The following ACAP2 variants were observed in gnomAD, a reference collection of about 807,000 sequenced individuals.
The protein encoded by ACAP2 is ArfGAP with coiled-coil, ankyrin repeat and PH domains 2.
ACAP2 carries 39 observed loss-of-function variants against 115.8 expected under a neutral mutation model. That is an observed-to-expected ratio of 0.34 (90% CI 0.26 to 0.44). The LOEUF is 0.44. Ranked by LOEUF, ACAP2 falls within the 20% of genes least tolerant of loss-of-function variation. The probability of loss-of-function intolerance (pLI) is 1.00; values close to 1 mark genes in which losing one functional copy is unlikely to be tolerated. For missense variants in ACAP2, 662 were observed against 927.6 expected (o/e 0.71, Z 3.72); for synonymous variants, 289 against 315.8 (o/e 0.92, Z 0.90).
At chr3:195,358,795 C>T (rs907197695) in intron 4 of ACAP2, among the ~76,000 whole-genome samples, 1 of 151,966 alleles carries the variant, frequency 6.6e-6, no homozygotes, top group Non-Finnish European at 1.5e-5. Context: ...AGGATAGTAA[C>T]AGAAAATTTC....
intron 10 of ACAP2, among the ~76,000 whole-genome samples, chr3:195,319,193 G>C (rs894802551): frequency 3.3e-5 from 5 of 152,246 alleles, no homozygotes; most frequent in African/African-American, 1.2e-4. Context: ...CTAGATTCCA[G>C]AGGATGTATA....
In ACAP2 at chr3:195,292,461, C is replaced by G. The variant is rs780921486; in HGVS notation, c.1766-9G>C. 23 of 1,593,958 alleles carry G rather than the reference C, an allele frequency of 1.4e-5. No homozygotes were observed. Among genetic ancestry groups the G allele is most frequent in the Middle Eastern group, 3.4e-4 (2 of 5,942 alleles). ...ATCTTGCCTTTCTCCTTCTGAAAAG[C>G]AAACACATACACATCAATAAAAATG... On this transcript the variant is annotated splice_polypyrimidine_tract_variant and intron_variant, in intron 18 of 22. Transcript: ENST00000326793.
At chr3:195,432,029 C>T (rs1715168143) in intron 1 of ACAP2, among the ~76,000 whole-genome samples, 1 of 152,168 alleles carries the variant, frequency 6.6e-6, no homozygotes, top group Non-Finnish European at 1.5e-5. Flanking sequence ...TTACTCAAAT[C>T]CTTTGCCCAT....
At chr3:195,285,213 G>A (rs1264255175) in intron 22 of ACAP2, 1 of 152,110 alleles carries the variant, frequency 6.6e-6, no homozygotes, top group African/African-American at 2.4e-5. Context: ...TTCTCCACCT[G>A]GTGAATTTTC....
intron 1 of ACAP2, among the ~76,000 whole-genome samples, chr3:195,416,289 T>C (rs1043713350): frequency 1.3e-4 from 19 of 150,812 alleles, no homozygotes; most frequent in African/African-American, 3.9e-4. Flanking sequence ...GAGGCTGCAG[T>C]GAGCCAAGAC....
chr3:195,370,962 A>AC (rs1026976681), intron 4 of ACAP2, among the ~76,000 whole-genome samples: 2 of 152,016 alleles, frequency 1.3e-5, no homozygotes, highest in Non-Finnish European at 2.9e-5. Context: ...CAAAAAAAAA[A>AC]AAAAAAAAAA....
intron 1 of ACAP2, among the ~76,000 whole-genome samples, chr3:195,439,579 A>G (rs1715848570): frequency 6.6e-6 from 1 of 152,080 alleles, no homozygotes; most frequent in African/African-American, 2.4e-5. Context: ...TTTCAAATAG[A>G]TATTCACTTC....
chr3:195,355,704 A>G lies in ACAP2; in HGVS notation c.286-10387T>C, dbSNP rs565242352. 1.6e-4 allele frequency among the ~76,000 whole-genome samples: 24 copies of G among 152,328 alleles called. 1 individual carries two copies. The South Asian group carries it at 5.0e-3, about 32-fold the overall frequency. On this transcript the variant is annotated intron_variant, in intron 4 of 22. Coordinates refer to ENST00000326793, the MANE Select transcript of ACAP2 (RefSeq NM_012287.6). ...AGCACTATCTCTGCTCTCTTCAGGA[A>G]AGGAGGAAAGCTAAGACGCACTTCA...
chr3:195,289,162 C>G lies in ACAP2; in HGVS notation c.2133G>C (p.Leu711Phe). ...CATTGGCTGCTTCCACAGCTATGCT[C>G]AAAGGGTCTTTCCCTTCTTCATCAG... ...HATDEEGKDP[L>F]SIAVEAANAD... Residue 711 changes from leucine to phenylalanine, a missense_variant, in exon 21 of 23, where the codon TTG (leucine) becomes TTC (phenylalanine). Physicochemically the swap from Leu to Phe is conservative, Grantham distance 22. Coordinates refer to ENST00000326793, the MANE Select transcript of ACAP2 (RefSeq NM_012287.6). The G allele has an allele frequency of 6.2e-7, 1 of 1,613,478 alleles. No individual in the cohort carries two copies. The highest frequency in any genetic ancestry group is 1.1e-5 in the South Asian group (1 of 90,864).
At chr3:195,383,139 G>T (rs1734059643) in intron 2 of ACAP2, among the ~76,000 whole-genome samples, 1 of 152,012 alleles carries the variant, frequency 6.6e-6, no homozygotes, top group South Asian at 2.1e-4. Context: ...CTTTTAAATT[G>T]TTTGCTATTT....
intron 4 of ACAP2, among the ~76,000 whole-genome samples, chr3:195,377,362 C>G (rs1733624568): frequency 6.6e-6 from 1 of 151,846 alleles, no homozygotes; most frequent in South Asian, 2.1e-4. Context: ...CCAGGCTGGT[C>G]TCTAATTCCA....
At chr3:195,315,300 C>A (rs903047295) in intron 10 of ACAP2, among the ~76,000 whole-genome samples, 1 of 152,248 alleles carries the variant, frequency 6.6e-6, no homozygotes, top group African/African-American at 2.4e-5. Context: ...GGATTAGAGG[C>A]ATGAGCCACA....
intron 9 of ACAP2, 91 bp downstream of exon 9, chr3:195,326,794 G>T: frequency 9.0e-7 from 1 of 1,116,306 alleles, no homozygotes; most frequent in Non-Finnish European, 1.3e-6. Flanking sequence ...CAACTCAAAA[G>T]ATTTGTTCCA....
At position 195,426,672 on chromosome 3, in the gene ACAP2, A is replaced by G. The variant is rs944266514; in HGVS notation, c.53+16123T>C. On this transcript the variant is annotated intron_variant, in intron 1 of 22. Coordinates refer to ENST00000326793, the MANE Select transcript of ACAP2 (RefSeq NM_012287.6). ...TCACTACGGCAACTGAGTAGTCCAA[A>G]AAAGAAAAAAGAAAAAACTTCCTAA... is the stretch of plus-strand genomic sequence containing the variant. 2.0e-5 allele frequency among the ~76,000 whole-genome samples: 3 copies of G among 152,150 alleles called. No individual in the cohort carries two copies. In the East Asian group the frequency reaches 5.8e-4, roughly 29 times the overall value.
intron 15 of ACAP2, among the ~76,000 whole-genome samples, chr3:195,298,391 G>A (rs148522524): frequency 2.5e-3 from 379 of 151,846 alleles, no homozygotes; most frequent in Non-Finnish European, 3.8e-3. Context: ...GAGTAACTGG[G>A]ATTACAGATG....
At chr3:195,287,647 T>C (rs559112234) in intron 21 of ACAP2, among the ~76,000 whole-genome samples, 1 of 152,204 alleles carries the variant, frequency 6.6e-6, no homozygotes, top group South Asian at 2.1e-4. Context: ...CAAGCACAAA[T>C]TCCTACCACT....
chr3:195,409,148 A>ATTTC (rs1232449783), intron 1 of ACAP2, among the ~76,000 whole-genome samples: 7 of 152,108 alleles, frequency 4.6e-5, no homozygotes, highest in African/African-American at 1.7e-4. Flanking sequence ...AAGTAAAAGT[A>ATTTC]TTTCTGTTTA....
rs1728486153 is a variant in ACAP2 at position 195,307,306 on chromosome 3, T to C, written c.927A>G (p.Val309=). ...QKKFKDNPTV[V]VEDLRLCTVK... ...CTGTGCAAAGCCTGAGGTCTTCAAC[T>C]ACCACAGTCGGATTATCCTATAGTG... The change falls in exon 12 of 23, where the codon GTA becomes GTG. Residue 309 remains valine (V), a synonymous_variant. Transcript: ENST00000326793. The C allele has an allele frequency of 1.9e-6, 3 of 1,612,618 alleles. No homozygotes were observed. Among genetic ancestry groups the C allele is most frequent in the Middle Eastern group, 1.7e-4 (1 of 6,056 alleles).
rs375253833 is a variant in ACAP2 at position 195,370,160 on chromosome 3, C to T, written c.285+10849G>A. Among the ~76,000 whole-genome samples the T allele has an allele frequency of 5.9e-5, 9 of 152,236 alleles. No individual in the cohort carries two copies. The East Asian group carries it at 1.4e-3, about 23-fold the overall frequency. ...CAGATTCTGGATATTAGAGCATTGT[C>T]GGATGAGTAGTTTGCAAATATTTTC... On this transcript the variant is annotated intron_variant, in intron 4 of 22. Transcript: ENST00000326793.
Sources: allele counts gnomAD v4.1 joint callset (sites outside exome capture counted in the v4.1 genomes callset), GRCh38; gene constraint gnomAD v4.1.1; transcripts MANE v1.5; gene names NCBI Gene and HGNC (gene_info 2026-07-23, HGNC 2026-07-21).